The following IFT52 variants were observed in gnomAD, a reference collection of about 807,000 sequenced individuals.
The protein encoded by IFT52 is intraflagellar transport 52.
A neutral mutation model predicts 54.4 loss-of-function variants in IFT52; 44 were observed. That is an observed-to-expected ratio of 0.81 (90% CI 0.63 to 1.04). The LOEUF is 1.04. Ranked by LOEUF, IFT52 falls within the 50% of genes least tolerant of loss-of-function variation. IFT52 has a pLI of 0.00. For synonymous variants in IFT52, 181 were observed against 185.3 expected (o/e 0.98, Z 0.19); for missense variants, 452 against 523.6 (o/e 0.86, Z 1.33).
In IFT52 at chr20:43,614,871, T is replaced by C. The variant is rs756350388; in HGVS notation, c.612+895T>C. Among the ~76,000 whole-genome samples the C allele has an allele frequency of 8.7e-4, 130 of 150,266 alleles. 1 individual carries two copies. The highest frequency in any genetic ancestry group is 1.6e-3 in the Non-Finnish European group (107 of 67,570). ...TTGTGCAGGCTGGAGTACAGTGGCATGATCTTGGCTCACTGCAACCTCCGC... is the reference window on the plus strand; with the variant it reads ...TTGTGCAGGCTGGAGTACAGTGGCACGATCTTGGCTCACTGCAACCTCCGC... On this transcript the variant is annotated intron_variant, in intron 7 of 13. Coordinates refer to ENST00000373030, the MANE Select transcript of IFT52 (RefSeq NM_016004.5).
Position 43,602,545 on chromosome 20 carries a change from G to A in IFT52, c.208-1215G>A, listed in dbSNP as rs534900198. On this transcript the variant is annotated intron_variant, in intron 3 of 13. Transcript: ENST00000373030. ...CGTTTTTGAGATGGAATCTTGCTCTGTTGCCCAGGCTGGAATGCAGTGGTG... is the reference window on the plus strand; with the variant it reads ...CGTTTTTGAGATGGAATCTTGCTCTATTGCCCAGGCTGGAATGCAGTGGTG... Among the ~76,000 whole-genome samples, 2 of 152,130 alleles carry A rather than the reference G, an allele frequency of 1.3e-5. 1 individual carries two copies. The highest frequency in any genetic ancestry group is 1.3e-4 in the Admixed American group (2 of 15,274).
intron 3 of IFT52, among the ~76,000 whole-genome samples, chr20:43,599,105 G>T (rs1041575075): frequency 3.3e-5 from 5 of 152,198 alleles, no homozygotes; most frequent in African/African-American, 1.2e-4. Flanking sequence ...TTACCATTGG[G>T]AATGTGGAGG....
At chr20:43,599,471 A>C (rs1982256842) in intron 3 of IFT52, among the ~76,000 whole-genome samples, 1 of 152,208 alleles carries the variant, frequency 6.6e-6, no homozygotes, top group Non-Finnish European at 1.5e-5. Context: ...GTCCTCTCCC[A>C]GACCAGTCCC....
Position 43,647,203 on chromosome 20 carries a change from A to G in IFT52, c.*220A>G. 1.8e-6 allele frequency: 1 copy of G among 567,568 alleles called. No individual in the cohort carries two copies. Among genetic ancestry groups the G allele is most frequent in the South Asian group, 2.3e-5 (1 of 43,002 alleles). The allele number at this position is 567,568 out of a possible 1,614,324, so 35.2% of individuals were successfully genotyped here. A position where few individuals can be genotyped will look rare whatever the true frequency, so the allele number is the denominator to read the frequency against. On this transcript the variant is annotated 3_prime_UTR_variant, in exon 14 of 14. Transcript: ENST00000373030. Reference sequence around the variant, plus strand: ...TTTTAAAAATTAAATGTATGGTTGCATCTGTCTTTTTATACCCTATGAAAC... The same window carrying G: ...TTTTAAAAATTAAATGTATGGTTGCGTCTGTCTTTTTATACCCTATGAAAC...
rs1981448553 is a variant in IFT52, at chr20:43,590,949, A to G, written c.-112A>G. 1 of 152,194 alleles carries G rather than the reference A, an allele frequency of 6.6e-6. No homozygotes were observed. The highest frequency in any genetic ancestry group is 6.5e-5 in the Admixed American group (1 of 15,284). 9.4% of individuals were successfully genotyped at this position (152,194 alleles called of 1,614,324 possible). ...CGGAGCTAGCGCTGCGTCCTGGGCC[A>G]CGCCTCCCGGCGCACCGACGCGCCT... is the stretch of plus-strand genomic sequence containing the variant. On this transcript the variant is annotated 5_prime_UTR_variant, in exon 1 of 14. Transcript: ENST00000373030.
At chr20:43,619,910 C>CT (rs11482384) in intron 8 of IFT52, among the ~76,000 whole-genome samples, 64,164 of 82,736 alleles carry the variant, frequency 0.78, 26,935 homozygotes, top group Non-Finnish European at 0.8. Flanking sequence ...AGATATTCTA[C>CT]TTTTTTTTTT....
At position 43,628,057 on chromosome 20, in the gene IFT52, T is replaced by C. The variant is rs576704084; in HGVS notation, c.923+4012T>C. 6.6e-5 allele frequency among the ~76,000 whole-genome samples: 10 copies of C among 151,234 alleles called. No homozygotes were observed. In the South Asian group the frequency reaches 2.1e-3, roughly 32 times the overall value. On this transcript the variant is annotated intron_variant, in intron 10 of 13. Coordinates refer to ENST00000373030, the MANE Select transcript of IFT52 (RefSeq NM_016004.5). ...TCCTCCTACCTCTCAGCCTCCATAG[T>C]AGCTGGGACTACAGGCGTGCACCAC...
intron 3 of IFT52, among the ~76,000 whole-genome samples, chr20:43,598,652 G>A (rs754864615): frequency 5.9e-5 from 9 of 152,100 alleles, no homozygotes; most frequent in Non-Finnish European, 1.0e-4. Context: ...CCGAGATTGC[G>A]CCACCGCACT....
At chr20:43,637,579 T>C (rs895333059) in intron 12 of IFT52, among the ~76,000 whole-genome samples, 2 of 152,172 alleles carry the variant, frequency 1.3e-5, no homozygotes, top group African/African-American at 2.4e-5. Flanking sequence ...TGGCCAACTT[T>C]TAAACTTTGT....
chr20:43,611,973 T>A (rs1260526039), intron 6 of IFT52, among the ~76,000 whole-genome samples: 1 of 151,950 alleles, frequency 6.6e-6, no homozygotes, highest in Non-Finnish European at 1.5e-5. Flanking sequence ...GAGGTTGCAG[T>A]AAGCTGAGAT....
intron 3 of IFT52, among the ~76,000 whole-genome samples, chr20:43,596,773 G>A (rs1459724667): frequency 4.9e-5 from 6 of 122,072 alleles, no homozygotes; most frequent in Admixed American, 2.2e-4. Flanking sequence ...ACAGAGTCTC[G>A]CTCTGTCGCC....
Position 43,604,844 on chromosome 20 carries a change from G to C in IFT52, c.414-158G>C, listed in dbSNP as rs961919510. Among the ~76,000 whole-genome samples, 7 of 151,958 alleles carry C rather than the reference G, an allele frequency of 4.6e-5. No homozygotes were observed. The South Asian group carries it at 8.3e-4, about 18-fold the overall frequency. ...AGACAGAGTCTTGCTCTGTTGCTCA[G>C]GCTGGAATGCAGTGGTGGGAACACA... On this transcript the variant is annotated intron_variant, in intron 5 of 13. Coordinates refer to ENST00000373030, the MANE Select transcript of IFT52 (RefSeq NM_016004.5).
chr20:43,628,191 A>G (rs1568781650), intron 10 of IFT52, among the ~76,000 whole-genome samples: 2 of 151,988 alleles, frequency 1.3e-5, no homozygotes, highest in African/African-American at 4.8e-5. Context: ...AGCCTCCCAA[A>G]GTGTTGAGAT....
At chr20:43,632,775 G>C (rs1295446678) in intron 10 of IFT52, among the ~76,000 whole-genome samples, 1 of 152,164 alleles carries the variant, frequency 6.6e-6, no homozygotes, top group Non-Finnish European at 1.5e-5. Flanking sequence ...GCCAGAAACA[G>C]ATTTCAGATT....
intron 10 of IFT52, among the ~76,000 whole-genome samples, chr20:43,631,368 TTC>T (rs1450088791): frequency 6.6e-6 from 1 of 151,668 alleles, no homozygotes. Context: ...CTAGGAAAGA[TTC>T]TCCCCAAGCA....
chr20:43,614,907 C>G (rs1256121638), intron 7 of IFT52, among the ~76,000 whole-genome samples: 1 of 150,966 alleles, frequency 6.6e-6, no homozygotes, highest in African/African-American at 2.4e-5. Context: ...CTACCAGGTT[C>G]AAGCAATTCT....
intron 11 of IFT52, 115 bp downstream of exon 11, chr20:43,636,128 T>TGC: frequency 1.1e-6 from 1 of 898,522 alleles, no homozygotes; most frequent in Non-Finnish European, 1.8e-6. Context: ...CCTTGTGGAG[T>TGC]CATAGTGCTC....
chr20:43,626,155 G>T (rs771384318), intron 10 of IFT52, among the ~76,000 whole-genome samples: 2 of 151,874 alleles, frequency 1.3e-5, no homozygotes, highest in Non-Finnish European at 2.9e-5. Context: ...ATGATGTTTA[G>T]TAGCAGTTTT....
At chr20:43,598,257 G>A (rs757884350) in intron 3 of IFT52, among the ~76,000 whole-genome samples, 34 of 152,214 alleles carry the variant, frequency 2.2e-4, no homozygotes, top group Non-Finnish European at 4.0e-4. Context: ...AATTCGTAGA[G>A]ACAGAAAATA....
Sources: gnomAD v4.1 joint callset for allele counts (sites outside exome capture counted in the v4.1 genomes callset) on GRCh38, gnomAD v4.1.1 for gene constraint, MANE v1.5 for transcripts, NCBI Gene and HGNC (gene_info 2026-07-23, HGNC 2026-07-21) for gene names.